Variants in PEX5L observed in about 807,000 individuals in gnomAD.
PEX5L encodes the protein PEX5-related protein.
PEX5L carries 30 observed loss-of-function variants against 84.0 expected under a neutral mutation model. The ratio of observed to expected loss-of-function variants is 0.36; its 90% CI spans 0.27 to 0.48. The LOEUF is 0.48. PEX5L is among the 20% of genes least tolerant of loss of function. The pLI is 0.99. For synonymous variants in PEX5L, 270 were observed against 283.1 expected, an observed-to-expected ratio of 0.95 and a Z score of 0.46; for missense variants, 533 against 754.6, an observed-to-expected ratio of 0.71 and a Z score of 3.44.
intron 2 of PEX5L, among the ~76,000 whole-genome samples, chr3:179,956,392 T>G (rs1354296870): frequency 6.6e-6 from 1 of 152,224 alleles, no homozygotes; most frequent in Admixed American, 6.5e-5. Flanking sequence ...TTTCTTTTCA[T>G]CACTGCCTTT....
At chr3:179,968,268 T>C (rs1783858894) in intron 2 of PEX5L, among the ~76,000 whole-genome samples, 1 of 152,086 alleles carries the variant, frequency 6.6e-6, no homozygotes, top group East Asian at 1.9e-4. Flanking sequence ...TAACTAAAAA[T>C]AGTAATTTAT....
At chr3:179,817,851 G>C (rs1482258854) in intron 9 of PEX5L, among the ~76,000 whole-genome samples, 1 of 152,188 alleles carries the variant, frequency 6.6e-6, no homozygotes, top group Non-Finnish European at 1.5e-5. Context: ...ATGGGGTTCT[G>C]GGAGTAAGGG....
intron 1 of PEX5L, among the ~76,000 whole-genome samples, chr3:180,014,944 T>C (rs1789816910): frequency 6.6e-6 from 1 of 152,236 alleles, no homozygotes; most frequent in South Asian, 2.1e-4. Flanking sequence ...TCAGTACCTA[T>C]TTCTGTTATT....
At chr3:179,955,463 G>A (rs1780263717) in intron 2 of PEX5L, among the ~76,000 whole-genome samples, 1 of 142,688 alleles carries the variant, frequency 7.0e-6, no homozygotes, top group South Asian at 2.3e-4. Flanking sequence ...GACTCACTAT[G>A]AGTTCTGCTA....
At chr3:179,926,644 G>T (rs2109523256) in intron 2 of PEX5L, among the ~76,000 whole-genome samples, 1 of 152,256 alleles carries the variant, frequency 6.6e-6, no homozygotes, top group South Asian at 2.1e-4. Context: ...CCAATTATGG[G>T]TATTTTTCTA....
At chr3:179,919,445 T>TAGGG (rs1266191490) in intron 2 of PEX5L, among the ~76,000 whole-genome samples, 2 of 152,304 alleles carry the variant, frequency 1.3e-5, no homozygotes, top group Admixed American at 1.3e-4. Flanking sequence ...GGCAAATGAC[T>TAGGG]AGGGGCTCTT....
intron 2 of PEX5L, among the ~76,000 whole-genome samples, chr3:179,945,174 A>G (rs1777177541): frequency 6.6e-6 from 1 of 152,186 alleles, no homozygotes; most frequent in African/African-American, 2.4e-5. Flanking sequence ...TCACATCTCT[A>G]GCAACCAGAA....
intron 8 of PEX5L, among the ~76,000 whole-genome samples, chr3:179,831,987 C>T (rs983011771): frequency 7.9e-5 from 12 of 152,104 alleles, no homozygotes; most frequent in East Asian, 1.9e-4. Context: ...TTGTTTAGAT[C>T]GGTGTTTTAG....
chr3:179,962,808 T>C (rs924771517), intron 2 of PEX5L, among the ~76,000 whole-genome samples: 2 of 152,208 alleles, frequency 1.3e-5, no homozygotes, highest in African/African-American at 4.8e-5. Context: ...ACTGTTACTT[T>C]CATATATAAC....
At chr3:179,858,316 C>T (rs1303061238) in intron 8 of PEX5L, among the ~76,000 whole-genome samples, 1 of 152,110 alleles carries the variant, frequency 6.6e-6, no homozygotes, top group Non-Finnish European at 1.5e-5. Flanking sequence ...GCAGAGATAG[C>T]ATCTGTGATG....
chr3:179,931,071 C>T (rs147850397), intron 2 of PEX5L, among the ~76,000 whole-genome samples: 93 of 152,286 alleles, frequency 6.1e-4, no homozygotes, highest in Admixed American at 7.2e-4. Context: ...CACAAACCCA[C>T]TCACATACAG....
chr3:179,914,120 CA>C (rs1467573117), intron 2 of PEX5L, among the ~76,000 whole-genome samples: 1 of 152,160 alleles, frequency 6.6e-6, no homozygotes, highest in Admixed American at 6.5e-5. Context: ...TCCTTAGGTG[CA>C]AACATGGCTC....
At chr3:179,979,979 T>C (rs1408959867) in intron 1 of PEX5L, among the ~76,000 whole-genome samples, 3 of 152,178 alleles carry the variant, frequency 2.0e-5, no homozygotes, top group Non-Finnish European at 4.4e-5. Context: ...CTGGACATCA[T>C]GATTTTATGA....
chr3:179,805,483 A>T (rs1720951294), intron 14 of PEX5L, among the ~76,000 whole-genome samples: 1 of 152,090 alleles, frequency 6.6e-6, no homozygotes, highest in African/African-American at 2.4e-5. Context: ...TCATCTCCAG[A>T]TTACTTATAA....
Position 179,809,455 on chromosome 3 carries a change from A to G in PEX5L, c.1352+16T>C, listed in dbSNP as rs1422400329. On this transcript the variant is annotated intron_variant, in intron 12 of 14. Transcript: ENST00000467460. ...ATGGGTGTTTACTGCCAGCTGTAAT[A>G]TAACGAGAAGGATACCTATCAACTG... 2 of 1,599,160 alleles carry G rather than the reference A, an allele frequency of 1.3e-6. No homozygotes were observed. Among genetic ancestry groups the G allele is most frequent in the Non-Finnish European group, 1.7e-6 (2 of 1,166,388 alleles).
chr3:179,805,704 TAA>T (rs1402911574), intron 14 of PEX5L, among the ~76,000 whole-genome samples: 2 of 152,170 alleles, frequency 1.3e-5, no homozygotes. Context: ...AATTCAAATT[TAA>T]GTGGGCATTC....
At chr3:179,810,523 A>C (rs1286236114) in intron 11 of PEX5L, among the ~76,000 whole-genome samples, 1 of 152,156 alleles carries the variant, frequency 6.6e-6, no homozygotes, top group African/African-American at 2.4e-5. Context: ...ACTGAAGTGC[A>C]TGTGAATCAT....
chr3:179,824,706 C>CAA lies in PEX5L; in HGVS notation c.823-4732_823-4731dup, dbSNP rs11296415. ...GGGCAATCAGAGTGAAACTCCATCT[C>CAA]AAAAAAAAAAAAAAAAAAAAAAAGC... On this transcript the variant is annotated intron_variant, in intron 8 of 14. Transcript: ENST00000467460. Among the ~76,000 whole-genome samples, 540 of 70,108 alleles carry CAA rather than the reference C, an allele frequency of 7.7e-3. 1 individual carries two copies. The highest frequency in any genetic ancestry group is 8.5e-3 in the Non-Finnish European group (321 of 37,852). 46.0% of individuals were successfully genotyped at this position (70,108 alleles called of 152,430 possible).
intron 2 of PEX5L, among the ~76,000 whole-genome samples, chr3:179,948,852 T>C (rs1778311879): frequency 6.6e-6 from 1 of 152,270 alleles, no homozygotes; most frequent in South Asian, 2.1e-4. Context: ...TTTAACAGAA[T>C]TGTATGAACT....
Sources: gnomAD v4.1 joint callset for allele counts (sites outside exome capture counted in the v4.1 genomes callset) on GRCh38, gnomAD v4.1.1 for gene constraint, MANE v1.5 for transcripts, NCBI Gene and HGNC (gene_info 2026-07-23, HGNC 2026-07-21) for gene names.